The following STK32B variants were observed in gnomAD, a reference collection of about 807,000 sequenced individuals.
STK32B encodes serine/threonine kinase 32B, also known as serine/threonine-protein kinase 32B.
In STK32B, 43 loss-of-function variants were observed where a neutral mutation model predicts 52.6. The ratio of observed to expected loss-of-function variants is 0.82; its 90% confidence interval spans 0.64 to 1.05. STK32B has a LOEUF of 1.05. STK32B is among the 50% of genes least tolerant of loss of function. STK32B has a pLI of 0.00. For synonymous variants in STK32B, 238 were observed against 204.3 expected, an observed-to-expected ratio of 1.17 and a Z score of -1.41; for missense variants, 621 against 534.6, an observed-to-expected ratio of 1.16 and a Z score of -1.59.
chr4:5,077,619 A>G (rs1439908132), intron 1 of STK32B, among the ~76,000 whole-genome samples: 1 of 152,078 alleles, frequency 6.6e-6, no homozygotes, highest in Non-Finnish European at 1.5e-5. Context: ...CTTGCAGCCA[A>G]GGTTAGATGC....
At chr4:5,387,612 G>T (rs1560373013) in intron 4 of STK32B, among the ~76,000 whole-genome samples, 1 of 151,844 alleles carries the variant, frequency 6.6e-6, no homozygotes, top group Non-Finnish European at 1.5e-5. Flanking sequence ...GGACCCTGGT[G>T]TATTTGAAGC....
chr4:5,183,247 G>A (rs1720492378), intron 3 of STK32B, among the ~76,000 whole-genome samples: 1 of 152,132 alleles, frequency 6.6e-6, no homozygotes, highest in Non-Finnish European at 1.5e-5. Flanking sequence ...GGAACCCGAG[G>A]CAGGCAGATC....
At chr4:5,160,743 G>C (rs1187632626) in intron 2 of STK32B, among the ~76,000 whole-genome samples, 1 of 152,196 alleles carries the variant, frequency 6.6e-6, no homozygotes, top group African/African-American at 2.4e-5. Flanking sequence ...TGTTGTCATG[G>C]GGTTCACAAC....
rs113071830 is a variant in STK32B, at chr4:5,061,234, C to T, written c.52+9319C>T. Among the ~76,000 whole-genome samples, 1,007 of 152,234 alleles carry T rather than the reference C, an allele frequency of 6.6e-3. 15 individuals are homozygous for T. Among genetic ancestry groups the T allele is most frequent in the African/African-American group, 0.022 (934 of 41,538 alleles). The stretch of plus-strand genomic sequence containing the variant: ...GTCTGAATATCTTCTTCTGGCCTAT[C>T]TCTTTTTTAGTCACTTCAGGTCTGT... On this transcript the variant is annotated intron_variant, in intron 1 of 11. Coordinates refer to ENST00000282908, the MANE Select transcript of STK32B (RefSeq NM_018401.3).
intron 1 of STK32B, among the ~76,000 whole-genome samples, chr4:5,083,715 G>C: frequency 6.6e-6 from 1 of 151,562 alleles, no homozygotes; most frequent in East Asian, 1.9e-4. Context: ...TGCTTCCTTA[G>C]ATATAGACTG....
At chr4:5,019,393 G>C in the STK32B span, 21 of 1,496,396 alleles carry the variant, frequency 1.4e-5, no homozygotes, top group Admixed American at 8.4e-5. Flanking sequence ...CCGCGCGGCG[G>C]GGGCTCCCGC....
chr4:5,261,595 A>C (rs1301284149), intron 3 of STK32B, among the ~76,000 whole-genome samples: 2 of 152,214 alleles, frequency 1.3e-5, no homozygotes, highest in Non-Finnish European at 2.9e-5. Flanking sequence ...AGAGAGGTTT[A>C]ATAACTTGCC....
chr4:5,154,960 G>T (rs1307226514), intron 2 of STK32B, among the ~76,000 whole-genome samples: 1 of 152,164 alleles, frequency 6.6e-6, no homozygotes, highest in Non-Finnish European at 1.5e-5. Flanking sequence ...GTCCCTCCAT[G>T]CCAGGCCACA....
intron 3 of STK32B, among the ~76,000 whole-genome samples, chr4:5,246,292 A>G (rs1210636098): frequency 6.6e-6 from 1 of 152,086 alleles, no homozygotes; most frequent in Non-Finnish European, 1.5e-5. Flanking sequence ...TTTTTTCTCT[A>G]AGATTCTCTT....
intron 2 of STK32B, among the ~76,000 whole-genome samples, chr4:5,145,262 C>T (rs1489233244): frequency 6.6e-6 from 1 of 152,200 alleles, no homozygotes; most frequent in Non-Finnish European, 1.5e-5. Context: ...ACACATCAAT[C>T]CATCTTATTT....
intron 3 of STK32B, among the ~76,000 whole-genome samples, chr4:5,286,459 C>A (rs1394110816): frequency 6.6e-6 from 1 of 152,176 alleles, no homozygotes; most frequent in Admixed American, 6.5e-5. Flanking sequence ...TGCCCCCTTC[C>A]AATTACTATC....
Position 5,456,724 on chromosome 4 carries a change from C to G in STK32B, c.667-83C>G, listed in dbSNP as rs927166125. 4.9e-6 allele frequency: 6 copies of G among 1,233,414 alleles called. No individual in the cohort carries two copies. The African/African-American group carries it at 9.0e-5, about 19-fold the overall frequency. The allele number at this position is 1,233,414 out of a possible 1,614,324, so 76.4% of individuals were successfully genotyped here. A position where few individuals can be genotyped will look rare whatever the true frequency, so the allele number is the denominator to read the frequency against. On this transcript the variant is annotated intron_variant, in intron 7 of 11. Coordinates refer to ENST00000282908, the MANE Select transcript of STK32B (RefSeq NM_018401.3). ...CTTGAAGAGGAAGAATAAACCATCC[C>G]TCATAATCATACAATCTTAAAATGC...
chr4:5,257,603 A>T (rs1474544427), intron 3 of STK32B, among the ~76,000 whole-genome samples: 1 of 152,116 alleles, frequency 6.6e-6, no homozygotes, highest in Admixed American at 6.5e-5. Flanking sequence ...ATATCACATC[A>T]CGCTTCTGCC....
intron 1 of STK32B, among the ~76,000 whole-genome samples, chr4:5,124,611 G>A (rs80113249): frequency 0.017 from 2,602 of 152,282 alleles, 65 homozygotes; most frequent in African/African-American, 0.06. Context: ...TAGATATAAA[G>A]GGTCTCAATG....
intron 2 of STK32B, among the ~76,000 whole-genome samples, chr4:5,148,382 A>G (rs1410861578): frequency 6.6e-6 from 1 of 151,828 alleles, no homozygotes; most frequent in Admixed American, 6.6e-5. Context: ...TTTAAGCTAT[A>G]AATTTTCCTC....
Position 5,446,577 on chromosome 4 carries a change from A to C in STK32B, c.563-96A>C, listed in dbSNP as rs1259088328. ...ATCTCAAAAAAAAACAAAAAAAAAAAAAACAAGCTCAATTTCTCTCCTTGT... is the reference window on the plus strand; with the variant it reads ...ATCTCAAAAAAAAACAAAAAAAAAACAAACAAGCTCAATTTCTCTCCTTGT... On this transcript the variant is annotated intron_variant, in intron 6 of 11. Transcript: ENST00000282908. 10 of 1,136,508 alleles carry C rather than the reference A, an allele frequency of 8.8e-6. No homozygotes were observed. The Admixed American group carries it at 1.9e-4, about 22-fold the overall frequency. The allele number at this position is 1,136,508 out of a possible 1,614,324, so 70.4% of individuals were successfully genotyped here. A position where few individuals can be genotyped will look rare whatever the true frequency, so the allele number is the denominator to read the frequency against.
chr4:5,311,539 CA>C (rs1283700408), intron 3 of STK32B, among the ~76,000 whole-genome samples: 1 of 151,842 alleles, frequency 6.6e-6, no homozygotes, highest in Non-Finnish European at 1.5e-5. Context: ...CAAGCTCTAG[CA>C]AGACTGACAA....
At chr4:5,364,792 G>C (rs935037281) in intron 4 of STK32B, among the ~76,000 whole-genome samples, 22 of 152,108 alleles carry the variant, frequency 1.4e-4, no homozygotes, top group Non-Finnish European at 2.9e-5. Context: ...ATACCTTCAG[G>C]CCTCCATGTG....
At chr4:5,449,314 G>C (rs1457854542) in intron 7 of STK32B, among the ~76,000 whole-genome samples, 1 of 152,222 alleles carries the variant, frequency 6.6e-6, no homozygotes, top group Non-Finnish European at 1.5e-5. Flanking sequence ...CTGCACTCTA[G>C]CCTGGGTGTG....
Sources: gnomAD v4.1 joint callset for allele counts (sites outside exome capture counted in the v4.1 genomes callset) on GRCh38, gnomAD v4.1.1 for gene constraint, MANE v1.5 for transcripts, NCBI Gene and HGNC (gene_info 2026-07-23, HGNC 2026-07-21) for gene names.